SYNDIG1: variants seen among roughly 807,000 people sequenced by gnomAD.
The protein encoded by SYNDIG1 is synapse differentiation inducing 1.
In SYNDIG1, 9 loss-of-function variants were observed where a neutral mutation model predicts 19.4. The ratio of observed to expected loss-of-function variants is 0.46; its 90% CI spans 0.28 to 0.81. The LOEUF is 0.81. Among genes scored for constraint, SYNDIG1 ranks in the 30% least tolerant of loss-of-function variants. The probability of loss-of-function intolerance (pLI) is 0.12; values close to 1 mark genes in which losing one functional copy is unlikely to be tolerated. For missense variants in SYNDIG1, 311 were observed against 343.3 expected (o/e 0.91, Z 0.74); for synonymous variants, 141 against 145.9 (o/e 0.97, Z 0.24).
At chr20:24,647,623 T>C (rs184720037) in intron 3 of SYNDIG1, among the ~76,000 whole-genome samples, 1 of 151,942 alleles carries the variant, frequency 6.6e-6, no homozygotes, top group East Asian at 1.9e-4. Flanking sequence ...AGGAACCAGA[T>C]GGAGCAGGTG....
chr20:24,648,289 A>AGGAGGTTTGT (rs1258013269), intron 3 of SYNDIG1, among the ~76,000 whole-genome samples: 2 of 152,330 alleles, frequency 1.3e-5, no homozygotes, highest in East Asian at 3.9e-4. Context: ...CTTTTAAGAC[A>AGGAGGTTTGT]GGAGGTTTGT....
intron 3 of SYNDIG1, among the ~76,000 whole-genome samples, chr20:24,585,781 C>A (rs1328763483): frequency 6.6e-6 from 1 of 152,214 alleles, no homozygotes; most frequent in Non-Finnish European, 1.5e-5. Context: ...ATCTGCCCAA[C>A]CAAAACAGGG....
intron 2 of SYNDIG1, among the ~76,000 whole-genome samples, chr20:24,583,045 G>A (rs1176389189): frequency 1.3e-5 from 2 of 152,240 alleles, no homozygotes; most frequent in African/African-American, 2.4e-5. Flanking sequence ...CTGATCCCAT[G>A]AAAATATGCC....
intron 1 of SYNDIG1, among the ~76,000 whole-genome samples, chr20:24,512,822 T>C (rs557971205): frequency 3.9e-5 from 6 of 152,236 alleles, no homozygotes; most frequent in Non-Finnish European, 7.3e-5. Flanking sequence ...ACAGACAGAC[T>C]GCCTCCTCAA....
intron 3 of SYNDIG1, among the ~76,000 whole-genome samples, chr20:24,621,709 A>T (rs562828425): frequency 6.6e-6 from 1 of 152,200 alleles, no homozygotes; most frequent in Non-Finnish European, 1.5e-5. Context: ...ATCAGAGAAC[A>T]TGTCCTTCCC....
At chr20:24,589,529 G>A (rs2058472785) in intron 3 of SYNDIG1, among the ~76,000 whole-genome samples, 1 of 152,176 alleles carries the variant, frequency 6.6e-6, no homozygotes, top group Non-Finnish European at 1.5e-5. Context: ...GGTCTTCATG[G>A]CACTTCACTC....
chr20:24,656,557 C>T (rs531965857), intron 3 of SYNDIG1, among the ~76,000 whole-genome samples: 158 of 152,288 alleles, frequency 1.0e-3, no homozygotes, highest in African/African-American at 3.6e-3. Context: ...GGTGAAGCAC[C>T]GTGGGCAGCC....
intron 1 of SYNDIG1, chr20:24,491,531 A>G (rs2056147647): frequency 6.6e-6 from 1 of 152,278 alleles, no homozygotes; most frequent in African/African-American, 2.4e-5. Context: ...GCCCTGCTGC[A>G]GGAGGGATTT....
chr20:24,658,760 G>C lies in SYNDIG1; in HGVS notation c.619-6586G>C, dbSNP rs1164803454. Among the ~76,000 whole-genome samples, 1 of 152,118 alleles carries C rather than the reference G, an allele frequency of 6.6e-6. No homozygotes were observed. The highest frequency in any genetic ancestry group is 1.5e-5 in the Non-Finnish European group (1 of 68,010). On this transcript the variant is annotated intron_variant, in intron 3 of 3. Transcript: ENST00000376862. The surrounding 1 kb of genome is among the most constrained non-coding windows in gnomAD (Gnocchi z 4.4). The stretch of plus-strand genomic sequence containing the variant: ...GCTTCGTTTCAGGCGTTCACCACAG[G>C]CTCTTCTCCCAGCGGGGTCGTCTGC...
chr20:24,472,888 G>T (rs2055509748), intron 1 of SYNDIG1, among the ~76,000 whole-genome samples: 1 of 152,186 alleles, frequency 6.6e-6, no homozygotes. Flanking sequence ...ACTATTTAAA[G>T]GTGTCCTTAG....
intron 1 of SYNDIG1, among the ~76,000 whole-genome samples, chr20:24,484,299 G>A (rs1054796099): frequency 2.0e-5 from 3 of 152,124 alleles, no homozygotes; most frequent in Non-Finnish European, 4.4e-5. Flanking sequence ...GGGCTACTGG[G>A]GGTCAGCCAG....
chr20:24,487,347 C>T (rs2055996683), intron 1 of SYNDIG1, among the ~76,000 whole-genome samples: 1 of 152,134 alleles, frequency 6.6e-6, no homozygotes, highest in African/African-American at 2.4e-5. Context: ...AACTGCTATG[C>T]TTCTGGGTTT....
chr20:24,471,602 T>TAA (rs11442019), intron 1 of SYNDIG1, among the ~76,000 whole-genome samples: 66,531 of 132,518 alleles, frequency 0.5, 17,260 homozygotes, highest in East Asian at 0.68. Flanking sequence ...AGGGCCTTGT[T>TAA]AAAAAAAAAA....
intron 1 of SYNDIG1, among the ~76,000 whole-genome samples, chr20:24,508,218 ATTTTTTTTTTTTT>A (rs34436263): frequency 2.7e-5 from 2 of 73,208 alleles, no homozygotes; most frequent in Non-Finnish European, 4.5e-5. Context: ...AAGGAGGATA[ATTTTTTTTTTTTT>A]TTTTTTTTTT....
intron 1 of SYNDIG1, among the ~76,000 whole-genome samples, chr20:24,535,633 A>G (rs1262513872): frequency 6.6e-6 from 1 of 152,184 alleles, no homozygotes; most frequent in Admixed American, 6.5e-5. Flanking sequence ...TGAAAAAAAA[A>G]GGGTGAAGAT....
At position 24,471,716 on chromosome 20, in the gene SYNDIG1, T is replaced by G. The variant is rs116678387; in HGVS notation, c.-79+1963T>G. On this transcript the variant is annotated intron_variant, in intron 1 of 3. Coordinates refer to ENST00000376862, the MANE Select transcript of SYNDIG1 (RefSeq NM_024893.3). ...GACAGAGAATAGCACTGAAGCTTTG[T>G]GTACCCCCCACCCAGTCACCACCTG... Among the ~76,000 whole-genome samples, 859 of 152,260 alleles carry G rather than the reference T, an allele frequency of 5.6e-3. 8 individuals are homozygous for G. The highest frequency in any genetic ancestry group is 0.02 in the African/African-American group (832 of 41,546).
At chr20:24,597,895 C>T (rs543991374) in intron 3 of SYNDIG1, among the ~76,000 whole-genome samples, 1 of 152,312 alleles carries the variant, frequency 6.6e-6, no homozygotes, top group South Asian at 2.1e-4. Flanking sequence ...CCTCCTAAGA[C>T]TCAAGGAGGT....
chr20:24,640,544 ATAAT>A (rs571491697), intron 3 of SYNDIG1, among the ~76,000 whole-genome samples: 5 of 149,764 alleles, frequency 3.3e-5, no homozygotes, highest in South Asian at 2.1e-4. Context: ...TTTTCTTCAA[ATAAT>A]TAAAGCGTTA....
intron 2 of SYNDIG1, among the ~76,000 whole-genome samples, chr20:24,552,903 T>C (rs964396074): frequency 1.3e-5 from 2 of 152,232 alleles, no homozygotes; most frequent in African/African-American, 4.8e-5. Context: ...CCACAATGGT[T>C]GAACTAGTTT....
Sources: allele counts gnomAD v4.1 joint callset (sites outside exome capture counted in the v4.1 genomes callset), GRCh38; gene constraint gnomAD v4.1.1; non-coding constraint Gnocchi (gnomAD v3.1); transcripts MANE v1.5; gene names NCBI Gene and HGNC (gene_info 2026-07-23, HGNC 2026-07-21).